MYRIP: variants seen among roughly 807,000 people sequenced by gnomAD.
The protein encoded by MYRIP is rab effector MyRIP.
A neutral mutation model predicts 98.0 loss-of-function variants in MYRIP; 49 were observed. The observed-to-expected ratio is 0.50, with a 90% CI of 0.40 to 0.63. MYRIP has a LOEUF of 0.63. MYRIP is among the 30% of genes least tolerant of loss of function. MYRIP has a pLI of 0.00. For synonymous variants in MYRIP, 404 were observed against 409.5 expected (o/e 0.99, Z 0.16); for missense variants, 1,004 against 1,058.2 (o/e 0.95, Z 0.71).
At chr3:39,910,957 A>G (rs1382339057) in intron 2 of MYRIP, among the ~76,000 whole-genome samples, 1 of 152,156 alleles carries the variant, frequency 6.6e-6, no homozygotes, top group African/African-American at 2.4e-5. Context: ...GCTATCAAAT[A>G]TTGTTGTCTC....
At chr3:39,917,472 TTA>T (rs1491189086) in intron 2 of MYRIP, among the ~76,000 whole-genome samples, 5 of 145,614 alleles carry the variant, frequency 3.4e-5, no homozygotes, top group African/African-American at 7.7e-5. Flanking sequence ...AATAGGAAAA[TTA>T]AAAAAAAAAA....
intron 3 of MYRIP, among the ~76,000 whole-genome samples, chr3:40,138,528 T>C (rs1949829458): frequency 6.6e-6 from 1 of 152,224 alleles, no homozygotes; most frequent in Admixed American, 6.5e-5. Flanking sequence ...AATCAAGAAA[T>C]GTTTAAAGTT....
intron 2 of MYRIP, among the ~76,000 whole-genome samples, chr3:39,975,563 G>A (rs1945727210): frequency 6.6e-6 from 1 of 151,846 alleles, no homozygotes; most frequent in South Asian, 2.1e-4. Context: ...AAGTTCATAT[G>A]GAACCAAAAA....
intron 3 of MYRIP, among the ~76,000 whole-genome samples, chr3:40,095,266 TTCAGGGAAGACTG>T (rs1282989655): frequency 3.9e-5 from 6 of 152,224 alleles, no homozygotes; most frequent in African/African-American, 1.4e-4. Context: ...CTCAAGTCCC[TTCAGGGAAGACTG>T]TCAGGCCTGG....
At chr3:39,913,772 A>G (rs1944083764) in intron 2 of MYRIP, among the ~76,000 whole-genome samples, 1 of 152,232 alleles carries the variant, frequency 6.6e-6, no homozygotes, top group African/African-American at 2.4e-5. Flanking sequence ...AGACTCTGTG[A>G]CTAAAAAATG....
intron 5 of MYRIP, among the ~76,000 whole-genome samples, chr3:40,163,272 C>T (rs745589502): frequency 1.3e-5 from 2 of 152,194 alleles, no homozygotes; most frequent in Non-Finnish European, 2.9e-5. Flanking sequence ...GTCTAAAGTA[C>T]TGGACATTGA....
intron 1 of MYRIP, among the ~76,000 whole-genome samples, chr3:39,886,466 T>C (rs1943306901): frequency 6.7e-6 from 1 of 149,112 alleles, no homozygotes; most frequent in Admixed American, 6.7e-5. Flanking sequence ...GAGACACACA[T>C]AGGCTCAAAA....
At chr3:39,883,150 G>A (rs1021365097) in intron 1 of MYRIP, among the ~76,000 whole-genome samples, 5 of 152,134 alleles carry the variant, frequency 3.3e-5, no homozygotes, top group African/African-American at 1.2e-4. Context: ...TGGAGATAGG[G>A]AGATAGGAAT....
At chr3:39,920,729 A>G (rs942718058) in intron 2 of MYRIP, among the ~76,000 whole-genome samples, 1 of 152,214 alleles carries the variant, frequency 6.6e-6, no homozygotes, top group Non-Finnish European at 1.5e-5. Context: ...TTCAGTATGA[A>G]GTGGAAGCTT....
At chr3:39,878,394 C>G (rs1575335118) in intron 1 of MYRIP, among the ~76,000 whole-genome samples, 1 of 152,190 alleles carries the variant, frequency 6.6e-6, no homozygotes. Context: ...TGAGATGAAG[C>G]CGGTACCTCA....
At chr3:39,831,737 T>G (rs1329664386) in intron 1 of MYRIP, among the ~76,000 whole-genome samples, 1 of 152,212 alleles carries the variant, frequency 6.6e-6, no homozygotes, top group Non-Finnish European at 1.5e-5. Flanking sequence ...CTGAATTGAA[T>G]ATCACTTGAA....
intron 11 of MYRIP, among the ~76,000 whole-genome samples, chr3:40,212,101 T>TGTGTATATATATATACATATATATAC (rs36206991): frequency 4.2e-5 from 6 of 141,788 alleles, no homozygotes; most frequent in African/African-American, 1.5e-4. Flanking sequence ...TATATGTGTG[T>TGTGTATATATATATACATATATATAC]GTGTATATAT....
chr3:40,227,797 G>A (rs865808427), intron 11 of MYRIP, among the ~76,000 whole-genome samples: 3 of 152,166 alleles, frequency 2.0e-5, no homozygotes, highest in South Asian at 4.1e-4. Context: ...GAGGAGAGGC[G>A]CACAACTCTG....
chr3:39,857,250 G>GAA (rs1290325917), intron 1 of MYRIP, among the ~76,000 whole-genome samples: 6 of 146,828 alleles, frequency 4.1e-5, no homozygotes, highest in South Asian at 2.2e-4. Context: ...CAGGAGGGAG[G>GAA]GAGGGAGGAA....
chr3:40,165,134 G>A (rs1950476996), intron 5 of MYRIP, among the ~76,000 whole-genome samples: 1 of 152,222 alleles, frequency 6.6e-6, no homozygotes, highest in South Asian at 2.1e-4. Flanking sequence ...CTCTTAGTGT[G>A]ATGACAACTT....
intron 3 of MYRIP, among the ~76,000 whole-genome samples, chr3:40,088,939 G>A (rs1397459457): frequency 6.6e-6 from 1 of 152,072 alleles, no homozygotes; most frequent in Non-Finnish European, 1.5e-5. Context: ...CTTGGCCTTG[G>A]TGGTAACCAG....
intron 10 of MYRIP, among the ~76,000 whole-genome samples, chr3:40,202,040 A>C (rs888364761): frequency 1.3e-5 from 2 of 152,182 alleles, no homozygotes; most frequent in African/African-American, 4.8e-5. Flanking sequence ...TGCCACACTG[A>C]GTGCCCTAGA....
At chr3:39,850,825 T>C (rs973708795) in intron 1 of MYRIP, among the ~76,000 whole-genome samples, 4 of 152,166 alleles carry the variant, frequency 2.6e-5, no homozygotes, top group Non-Finnish European at 4.4e-5. Flanking sequence ...TTTTACATAG[T>C]AGAGAGAGCA....
intron 10 of MYRIP, among the ~76,000 whole-genome samples, chr3:40,201,036 T>C (rs1388749322): frequency 6.6e-6 from 1 of 152,228 alleles, no homozygotes; most frequent in Non-Finnish European, 1.5e-5. Flanking sequence ...AAATATTGTG[T>C]CTTAATTATG....
Sources: allele counts gnomAD v4.1 joint callset (sites outside exome capture counted in the v4.1 genomes callset), GRCh38; gene constraint gnomAD v4.1.1; transcripts MANE v1.5; gene names NCBI Gene and HGNC (gene_info 2026-07-23, HGNC 2026-07-21).